The following FBXW8 variants were observed in gnomAD, a reference collection of about 807,000 sequenced individuals.
FBXW8 encodes the protein F-box and WD repeat domain containing 8.
Under a neutral mutation model 65.3 loss-of-function variants are expected in FBXW8, and 57 were observed. That is an observed-to-expected ratio of 0.87 (90% CI 0.71 to 1.09). The LOEUF is 1.09. Ranked by LOEUF, FBXW8 falls within the 50% of genes least tolerant of loss-of-function variation. FBXW8 has a pLI of 0.00. For synonymous variants in FBXW8, 308 were observed against 330.2 expected (o/e 0.93, Z 0.73); for missense variants, 777 against 814.8 (o/e 0.95, Z 0.57).
At chr12:117,022,135 C>T (rs1954114078) in intron 8 of FBXW8, among the ~76,000 whole-genome samples, 1 of 152,156 alleles carries the variant, frequency 6.6e-6, no homozygotes, top group Non-Finnish European at 1.5e-5. Flanking sequence ...GCCAAAGTCA[C>T]TTGTTCTTTT....
At chr12:116,918,523 A>C (rs1250294627) in intron 1 of FBXW8, among the ~76,000 whole-genome samples, 1 of 152,162 alleles carries the variant, frequency 6.6e-6, no homozygotes, top group Non-Finnish European at 1.5e-5. Context: ...TGTTGACTTT[A>C]TTCACAGACA....
chr12:116,971,340 A>G (rs552741142), intron 5 of FBXW8, among the ~76,000 whole-genome samples: 1 of 151,814 alleles, frequency 6.6e-6, no homozygotes, highest in East Asian at 1.9e-4. Context: ...TGCCTGGGCA[A>G]CAGAGCAAGA....
At chr12:117,009,395 A>G (rs79242329) in intron 7 of FBXW8, among the ~76,000 whole-genome samples, 4,086 of 151,974 alleles carry the variant, frequency 0.027, 181 homozygotes, top group African/African-American at 0.087. Flanking sequence ...CTGTTCCCCC[A>G]CCCCCTCAAA....
At chr12:117,016,642 GTT>G (rs59614258) in intron 8 of FBXW8, among the ~76,000 whole-genome samples, 30 of 138,432 alleles carry the variant, frequency 2.2e-4, no homozygotes, top group African/African-American at 4.7e-4. Context: ...TATTTGTCTG[GTT>G]TTTTTTTTTT....
At chr12:116,946,357 T>C (rs6490100) in intron 3 of FBXW8, among the ~76,000 whole-genome samples, 16,745 of 152,174 alleles carry the variant, frequency 0.11, 1,120 homozygotes, top group Middle Eastern at 0.22. Context: ...CCTCACACGG[T>C]TTCTAGCAAA....
At chr12:116,929,451 T>G (rs1235924519) in intron 2 of FBXW8, among the ~76,000 whole-genome samples, 1 of 151,850 alleles carries the variant, frequency 6.6e-6, no homozygotes, top group African/African-American at 2.4e-5. Context: ...GCCAGGCTGG[T>G]CTTGAACTCC....
At chr12:117,013,020 C>T (rs1199325779) in intron 8 of FBXW8, among the ~76,000 whole-genome samples, 1 of 152,034 alleles carries the variant, frequency 6.6e-6, no homozygotes. Context: ...CAAGAAAAAC[C>T]AGACGCTTGA....
chr12:117,000,971 G>A (rs1174071172), intron 7 of FBXW8, among the ~76,000 whole-genome samples: 6 of 152,128 alleles, frequency 3.9e-5, no homozygotes, highest in East Asian at 3.9e-4. Flanking sequence ...TGTAATTTGG[G>A]GCAAGCTACT....
chr12:116,979,419 G>C (rs1053673893), intron 5 of FBXW8: 2 of 152,324 alleles, frequency 1.3e-5, no homozygotes, highest in Admixed American at 6.5e-5. Flanking sequence ...TCTAGGCTGA[G>C]CTCAGAGTTC....
chr12:116,992,085 G>A (rs1483685213), intron 7 of FBXW8, among the ~76,000 whole-genome samples: 1 of 152,212 alleles, frequency 6.6e-6, no homozygotes, highest in African/African-American at 2.4e-5. Context: ...GCAAACTGGT[G>A]CTTGTCAAGG....
rs117168191 is a variant in FBXW8, at chr12:117,020,456, G to A, written c.1368-3691G>A. 3.7e-3 allele frequency among the ~76,000 whole-genome samples: 570 copies of A among 152,214 alleles called. 1 individual carries two copies. Among genetic ancestry groups the A allele is most frequent in the Non-Finnish European group, 6.5e-3 (442 of 68,012 alleles). On this transcript the variant is annotated intron_variant, in intron 8 of 10. Transcript: ENST00000652555. ...GTCCGCACTCTGTTTTTCTCCTTCC[G>A]GAACTTGGGGCGTGTGGTGCACCAC...
Position 116,988,703 on chromosome 12 carries a change from C to G in FBXW8, c.1073C>G (p.Pro358Arg). ...LEIVPETRRY[P>R]VAVAAAGDLM... ...ATAGTTCCAGAAACCAGAAGGTACC[C>G]TGTGGCAGTAGCCGCTGCTGGAGAT... The change falls in exon 7 of 11, where the codon CCT becomes CGT. Residue 358 changes from proline (P) to arginine (R), a missense_variant. Transcript: ENST00000652555. The G allele has an allele frequency of 6.2e-7, 1 of 1,614,100 alleles. No homozygotes were observed. The highest frequency in any genetic ancestry group is 1.1e-5 in the South Asian group (1 of 91,068).
At chr12:116,939,053 G>A (rs765922735) in intron 2 of FBXW8, among the ~76,000 whole-genome samples, 1 of 152,124 alleles carries the variant, frequency 6.6e-6, no homozygotes, top group African/African-American at 2.4e-5. Flanking sequence ...CTGATTGACC[G>A]GTAACCCAAA....
chr12:117,012,740 G>A (rs934250837), intron 8 of FBXW8, among the ~76,000 whole-genome samples: 2 of 152,078 alleles, frequency 1.3e-5, no homozygotes, highest in East Asian at 1.9e-4. Context: ...ACTGACTGAT[G>A]CAATTTTTTA....
At chr12:116,992,370 G>A (rs1394262492) in intron 7 of FBXW8, among the ~76,000 whole-genome samples, 1 of 151,066 alleles carries the variant, frequency 6.6e-6, no homozygotes, top group Non-Finnish European at 1.5e-5. Flanking sequence ...TAAAGTCATA[G>A]AAAAAAATAG....
intron 5 of FBXW8, among the ~76,000 whole-genome samples, chr12:116,968,136 TTAATC>T (rs754021699): frequency 1.2e-4 from 18 of 152,234 alleles, no homozygotes; most frequent in Non-Finnish European, 2.1e-4. Flanking sequence ...TGTTAATTTT[TTAATC>T]TAAAAGTGAG....
intron 5 of FBXW8, among the ~76,000 whole-genome samples, chr12:116,982,767 G>T (rs1885403062): frequency 6.6e-6 from 1 of 152,028 alleles, no homozygotes; most frequent in South Asian, 2.1e-4. Flanking sequence ...AATGAAAAAT[G>T]TGTTTATAGA....
At chr12:117,003,891 A>G (rs538207474) in intron 7 of FBXW8, among the ~76,000 whole-genome samples, 60 of 152,232 alleles carry the variant, frequency 3.9e-4, no homozygotes, top group Middle Eastern at 6.8e-3. Context: ...TTTCATGCCA[A>G]TGTCTCTTTG....
intron 8 of FBXW8, among the ~76,000 whole-genome samples, chr12:117,021,749 T>C (rs1954105169): frequency 6.6e-6 from 1 of 152,214 alleles, no homozygotes; most frequent in South Asian, 2.1e-4. Flanking sequence ...TTTCCGATTT[T>C]TTTTAACCTT....
Sources: gnomAD v4.1 joint callset for allele counts (sites outside exome capture counted in the v4.1 genomes callset) on GRCh38, gnomAD v4.1.1 for gene constraint, MANE v1.5 for transcripts, NCBI Gene and HGNC (gene_info 2026-07-23, HGNC 2026-07-21) for gene names.